Variants in MIPOL1 observed in about 807,000 individuals in gnomAD.
MIPOL1 encodes the protein mirror-image polydactyly 1.
Under a neutral mutation model 60.9 loss-of-function variants are expected in MIPOL1, and 57 were observed. The observed-to-expected ratio is 0.94, with a 90% CI of 0.76 to 1.17. The LOEUF (loss-of-function observed/expected upper bound fraction) is 1.17. Among genes scored for constraint, MIPOL1 ranks in the 50% most tolerant of loss-of-function variants. The probability of loss-of-function intolerance (pLI) is 0.00; values close to 1 mark genes in which losing one functional copy is unlikely to be tolerated. For missense variants in MIPOL1, 551 were observed against 511.6 expected, an observed-to-expected ratio of 1.08 and a Z score of -0.74; for synonymous variants, 179 against 168.8, an observed-to-expected ratio of 1.06 and a Z score of -0.47.
chr14:37,415,578 G>A (rs978492945), intron 10 of MIPOL1, among the ~76,000 whole-genome samples: 9 of 148,346 alleles, frequency 6.1e-5, no homozygotes, highest in African/African-American at 2.2e-4. Context: ...GCAGTGAGCC[G>A]AGATTGCGTC....
intron 10 of MIPOL1, among the ~76,000 whole-genome samples, chr14:37,370,352 A>G (rs1368855802): frequency 1.3e-5 from 2 of 152,228 alleles, no homozygotes; most frequent in South Asian, 2.1e-4. Flanking sequence ...TCTACCCTCA[A>G]GGTGCTTGCA....
intron 9 of MIPOL1, among the ~76,000 whole-genome samples, chr14:37,310,974 C>T (rs974826149): frequency 6.6e-6 from 1 of 152,132 alleles, no homozygotes; most frequent in Non-Finnish European, 1.5e-5. Context: ...GTCACTTCAG[C>T]CCTGAATAGC....
intron 1 of MIPOL1, among the ~76,000 whole-genome samples, chr14:37,220,850 A>C (rs1968621498): frequency 6.6e-6 from 1 of 152,074 alleles, no homozygotes; most frequent in Non-Finnish European, 1.5e-5. Context: ...ATCATAGCTT[A>C]CTGCAGCCTC....
At chr14:37,445,559 T>C (rs1039655265) in intron 11 of MIPOL1, among the ~76,000 whole-genome samples, 3 of 151,002 alleles carry the variant, frequency 2.0e-5, no homozygotes, top group Non-Finnish European at 3.0e-5. Flanking sequence ...CTTCACAGAA[T>C]TGGAAAAAAC....
chr14:37,371,850 T>C (rs1309771479), intron 10 of MIPOL1, among the ~76,000 whole-genome samples: 1 of 152,158 alleles, frequency 6.6e-6, no homozygotes, highest in Non-Finnish European at 1.5e-5. Context: ...ACTATGTACC[T>C]TTAAGTTGTC....
intron 9 of MIPOL1, among the ~76,000 whole-genome samples, chr14:37,313,024 T>A (rs190447527): frequency 1.1e-3 from 172 of 152,326 alleles, no homozygotes; most frequent in Non-Finnish European, 2.2e-3. Flanking sequence ...TCTAGTTAAA[T>A]TGTTCACCAA....
intron 11 of MIPOL1, among the ~76,000 whole-genome samples, chr14:37,465,421 A>G (rs1028218478): frequency 6.6e-6 from 1 of 152,202 alleles, no homozygotes; most frequent in Non-Finnish European, 1.5e-5. Flanking sequence ...AAAAACATAT[A>G]TAAATATTCC....
chr14:37,356,557 A>G (rs1595363786), intron 9 of MIPOL1, among the ~76,000 whole-genome samples: 1 of 152,150 alleles, frequency 6.6e-6, no homozygotes, highest in Admixed American at 6.5e-5. Flanking sequence ...GCAATCAGCG[A>G]GACTCTGTGG....
chr14:37,538,712 G>A (rs2095517318), intron 12 of MIPOL1, among the ~76,000 whole-genome samples: 1 of 152,138 alleles, frequency 6.6e-6, no homozygotes. Flanking sequence ...TCTGAACAAG[G>A]TCTCAGGAGG....
chr14:37,533,830 C>A (rs1219982438), intron 12 of MIPOL1, among the ~76,000 whole-genome samples: 1 of 152,144 alleles, frequency 6.6e-6, no homozygotes, highest in Non-Finnish European at 1.5e-5. Context: ...AAGGCAACTT[C>A]ATTCCTTTGT....
intron 5 of MIPOL1, among the ~76,000 whole-genome samples, chr14:37,269,601 T>G (rs1264967398): frequency 6.6e-6 from 1 of 152,152 alleles, no homozygotes; most frequent in African/African-American, 2.4e-5. Flanking sequence ...ATGCCACTTA[T>G]GAGTCAGGTG....
chr14:37,465,811 T>C (rs1442808226), intron 11 of MIPOL1, among the ~76,000 whole-genome samples: 3 of 152,276 alleles, frequency 2.0e-5, no homozygotes, highest in Admixed American at 2.0e-4. Flanking sequence ...TAAAAAGTAC[T>C]ACTAACTCCC....
intron 1 of MIPOL1, among the ~76,000 whole-genome samples, chr14:37,226,454 CAGTG>C (rs551344278): frequency 1.2e-4 from 18 of 152,334 alleles, no homozygotes; most frequent in African/African-American, 4.3e-4. Flanking sequence ...CAAGAGAAGA[CAGTG>C]AGAGCCAAGC....
intron 9 of MIPOL1, among the ~76,000 whole-genome samples, chr14:37,368,226 T>G (rs2092537529): frequency 6.6e-6 from 1 of 152,122 alleles, no homozygotes; most frequent in Non-Finnish European, 1.5e-5. Context: ...TAAGTGTGTT[T>G]TGATTTTATA....
At chr14:37,212,878 G>A (rs768842711) in intron 1 of MIPOL1, among the ~76,000 whole-genome samples, 3 of 152,192 alleles carry the variant, frequency 2.0e-5, no homozygotes, top group Non-Finnish European at 2.9e-5. Flanking sequence ...CAGAGAGAGA[G>A]AGATTCTGTG....
chr14:37,302,241 A>G (rs2086339316), intron 7 of MIPOL1, among the ~76,000 whole-genome samples: 1 of 143,260 alleles, frequency 7.0e-6, no homozygotes, highest in African/African-American at 2.6e-5. Flanking sequence ...TCCAAGGAAT[A>G]TACAAGCATT....
At chr14:37,514,780 C>G (rs148341268) in intron 12 of MIPOL1, among the ~76,000 whole-genome samples, 1 of 152,050 alleles carries the variant, frequency 6.6e-6, no homozygotes, top group African/African-American at 2.4e-5. Context: ...TGCTACCATG[C>G]CTGGCTAATT....
chr14:37,346,210 T>C (rs1284124406), intron 9 of MIPOL1, among the ~76,000 whole-genome samples: 1 of 152,098 alleles, frequency 6.6e-6, no homozygotes. Flanking sequence ...ACACCTGTAA[T>C]CCCAGCTACT....
chr14:37,385,205 G>A lies in MIPOL1; in HGVS notation c.936+15581G>A, dbSNP rs988156172. Among the ~76,000 whole-genome samples, 8 of 152,034 alleles carry A rather than the reference G, an allele frequency of 5.3e-5. No individual in the cohort carries two copies. In the East Asian group the frequency reaches 7.7e-4, roughly 15 times the overall value. On this transcript the variant is annotated intron_variant, in intron 10 of 12. Transcript: ENST00000684589. ...GAGGGAGGGTGTGTAAGGTTGGGGT[G>A]GTGGAAATTTTTAAAGAAATTCCAC...
Sources: gnomAD v4.1 joint callset for allele counts (sites outside exome capture counted in the v4.1 genomes callset) on GRCh38, gnomAD v4.1.1 for gene constraint, MANE v1.5 for transcripts, NCBI Gene and HGNC (gene_info 2026-07-23, HGNC 2026-07-21) for gene names.